The following LIMA1 variants were observed in gnomAD, a reference collection of about 807,000 sequenced individuals.
LIMA1 encodes the protein LIM domain and actin-binding protein 1.
LIMA1 carries 52 observed loss-of-function variants against 62.6 expected under a neutral mutation model. That is an observed-to-expected ratio of 0.83 (90% CI 0.67 to 1.05). The LOEUF (loss-of-function observed/expected upper bound fraction) is 1.05. LIMA1 is among the 50% of genes least tolerant of loss of function. The pLI, the probability that LIMA1 is intolerant of heterozygous loss-of-function variation, is 0.00. For missense variants in LIMA1, 780 were observed against 902.2 expected (o/e 0.86, Z 1.74); for synonymous variants, 302 against 317.8 (o/e 0.95, Z 0.53).
chr12:50,223,486 AC>A (rs1347775145), intron 3 of LIMA1, among the ~76,000 whole-genome samples: 9 of 125,532 alleles, frequency 7.2e-5, no homozygotes, highest in African/African-American at 3.0e-4. Flanking sequence ...CCATCCCCCA[AC>A]CAAAAAAAAA....
intron 1 of LIMA1, among the ~76,000 whole-genome samples, chr12:50,269,661 T>C (rs1942180016): frequency 6.6e-6 from 1 of 152,134 alleles, no homozygotes; most frequent in African/African-American, 2.4e-5. Flanking sequence ...GGCTCATGCC[T>C]GTAATCTCAG....
chr12:50,201,212 GT>G, intron 6 of LIMA1: 1 of 1,060,384 alleles, frequency 9.4e-7, no homozygotes, highest in Non-Finnish European at 1.1e-6. Context: ...AGAGCTTGTG[GT>G]AATGCAAAGC....
chr12:50,263,970 C>T (rs537567677), intron 1 of LIMA1, among the ~76,000 whole-genome samples: 3 of 149,526 alleles, frequency 2.0e-5, no homozygotes, highest in East Asian at 3.9e-4. Flanking sequence ...CACAAATGTT[C>T]GTCAACTGAT....
rs10632810 is a variant in LIMA1, at chr12:50,214,024, C to CCACACACACACACACACACACACA, written c.630+7973_631-7957dup. 2.4e-3 allele frequency among the ~76,000 whole-genome samples: 249 copies of CCACACACACACACACACACACACA among 104,576 alleles called. 2 individuals carry two copies. Among genetic ancestry groups the CCACACACACACACACACACACACA allele is most frequent in the African/African-American group, 7.7e-3 (244 of 31,568 alleles). 68.6% of individuals were successfully genotyped at this position (104,576 alleles called of 152,430 possible). A position where few individuals can be genotyped will look rare whatever the true frequency, so the allele number is the denominator to read the frequency against. On this transcript the variant is annotated intron_variant, in intron 4 of 10. Coordinates refer to ENST00000341247, the MANE Select transcript of LIMA1 (RefSeq NM_016357.5). ...TTACCCTGGATCAATTATTATCTTA[C>CCACACACACACACACACACACACA]CACACACACACACACACACACACAC... is the stretch of plus-strand genomic sequence containing the variant.
chr12:50,234,495 C>T (rs994861646), intron 2 of LIMA1, among the ~76,000 whole-genome samples: 7 of 152,088 alleles, frequency 4.6e-5, no homozygotes, highest in African/African-American at 1.7e-4. Flanking sequence ...AGGCATGAGC[C>T]ACCATGCCTG....
rs71441348 is a variant in LIMA1 at position 50,263,834 on chromosome 12, G to GTATATA, written c.-23-15066_-23-15061dup. Reference sequence around the variant, plus strand: ...GTGTGTCTATATATATATAGAGAGAGTATATATATATATATATAGAGAGTA... The same window carrying GTATATA: ...GTGTGTCTATATATATATAGAGAGAGTATATATATATATATATATATATAGAGAGTA... On this transcript the variant is annotated intron_variant, in intron 1 of 10. Coordinates refer to ENST00000341247, the MANE Select transcript of LIMA1 (RefSeq NM_016357.5). 2.7e-4 allele frequency among the ~76,000 whole-genome samples: 31 copies of GTATATA among 116,266 alleles called. No homozygotes were observed. In the East Asian group the frequency reaches 6.6e-3, roughly 25 times the overall value. 76.3% of individuals were successfully genotyped at this position (116,266 alleles called of 152,430 possible).
intron 2 of LIMA1, among the ~76,000 whole-genome samples, chr12:50,232,612 G>T (rs1255766780): frequency 6.6e-6 from 1 of 151,740 alleles, no homozygotes; most frequent in Non-Finnish European, 1.5e-5. Context: ...TAAGTGATCT[G>T]CTGGCCTCAG....
chr12:50,216,757 G>A (rs938951373), intron 4 of LIMA1, among the ~76,000 whole-genome samples: 2 of 152,052 alleles, frequency 1.3e-5, no homozygotes, highest in Non-Finnish European at 1.5e-5. Context: ...CCAGCTACTC[G>A]GGGGCTAAGG....
intron 1 of LIMA1, among the ~76,000 whole-genome samples, chr12:50,282,790 G>A (rs1942355675): frequency 6.6e-6 from 1 of 152,324 alleles, no homozygotes; most frequent in African/African-American, 2.4e-5. Context: ...CAGATGGTTC[G>A]TTCCTAGCAG....
chr12:50,208,992 CTTTTTT>C (rs34753640), intron 4 of LIMA1, among the ~76,000 whole-genome samples: 1 of 136,268 alleles, frequency 7.3e-6, no homozygotes, highest in African/African-American at 2.7e-5. Context: ...TTCTTTCTTT[CTTTTTT>C]TTTTTTTTTT....
intron 2 of LIMA1, among the ~76,000 whole-genome samples, chr12:50,236,090 G>A (rs962233585): frequency 4.6e-5 from 7 of 151,788 alleles, no homozygotes; most frequent in Middle Eastern, 3.4e-3. Flanking sequence ...GCCTGAACCC[G>A]GGAGGTGGAG....
At position 50,224,394 on chromosome 12, in the gene LIMA1, G is replaced by A. The variant is rs182012484; in HGVS notation, c.166-1909C>T. 6.0e-4 allele frequency: 92 copies of A among 152,352 alleles called. 2 individuals carry two copies. The highest frequency in any genetic ancestry group is 6.8e-3 in the Middle Eastern group (2 of 294). The allele number at this position is 152,352 out of a possible 1,614,324, so 9.4% of individuals were successfully genotyped here. ...ATGATCCATTGGGGGAAGAATGTATGCATCAGAGATATAAGAAGCTTAAAA... is the reference window on the plus strand; with the variant it reads ...ATGATCCATTGGGGGAAGAATGTATACATCAGAGATATAAGAAGCTTAAAA... On this transcript the variant is annotated intron_variant, in intron 3 of 10. Transcript: ENST00000341247.
chr12:50,260,858 A>T (rs1015011625), intron 1 of LIMA1, among the ~76,000 whole-genome samples: 1 of 147,124 alleles, frequency 6.8e-6, no homozygotes, highest in Non-Finnish European at 1.5e-5. Context: ...GGCATGGATT[A>T]GAATTTAGCT....
chr12:50,200,679 A>G, intron 7 of LIMA1, 98 bp downstream of exon 7: 2 of 1,324,574 alleles, frequency 1.5e-6, no homozygotes, highest in Non-Finnish European at 2.1e-6. Flanking sequence ...AAATTCCCAG[A>G]CACTCTACAG....
intron 1 of LIMA1, among the ~76,000 whole-genome samples, chr12:50,255,087 T>C (rs1376465123): frequency 6.6e-6 from 1 of 151,104 alleles, no homozygotes; most frequent in Non-Finnish European, 1.5e-5. Context: ...ATAAATGAGC[T>C]GGCCCTGCAA....
intron 9 of LIMA1, among the ~76,000 whole-genome samples, chr12:50,184,038 G>A (rs1311562066): frequency 3.3e-5 from 5 of 152,102 alleles, no homozygotes; most frequent in African/African-American, 1.2e-4. Context: ...GTGCCCAAGG[G>A]ATTTAAGAAG....
At chr12:50,222,542 T>C (rs1175060751) in intron 3 of LIMA1, 57 bp from the exon 4 acceptor site, 16 of 1,610,328 alleles carry the variant, frequency 9.9e-6, no homozygotes, top group African/African-American at 8.0e-5. Context: ...CATTCAAACA[T>C]GTTGTTCTTT....
chr12:50,204,736 CT>C, intron 5 of LIMA1, 36 bp from the exon 6 acceptor site: 8 of 1,603,508 alleles, frequency 5.0e-6, no homozygotes, highest in Non-Finnish European at 6.8e-6. Flanking sequence ...TATTTTATTT[CT>C]GAGATGGGGT....
rs542129271 is a variant in LIMA1, at chr12:50,231,689, T to C, written c.141A>G (p.Glu47=). ...IFSKYQKAAE[E]TNMEKKRSNT... is the part of the protein sequence containing the mutation. ...CACTTCTCTTCTTCTCCATGTTTGT[T>C]TCTTCAGCTGCTTTCTGGTACCTTC... Residue 47 remains glutamate, a synonymous_variant, in exon 3 of 11, where the codon GAA becomes GAG. Coordinates refer to ENST00000341247, the MANE Select transcript of LIMA1 (RefSeq NM_016357.5). The C allele has an allele frequency of 3.3e-5, 54 of 1,613,894 alleles. 1 individual carries two copies. Among genetic ancestry groups the C allele is most frequent in the Non-Finnish European group, 4.2e-5 (49 of 1,179,844 alleles).
Sources: gnomAD v4.1 joint callset for allele counts (sites outside exome capture counted in the v4.1 genomes callset) on GRCh38, gnomAD v4.1.1 for gene constraint, MANE v1.5 for transcripts, NCBI Gene and HGNC (gene_info 2026-07-23, HGNC 2026-07-21) for gene names.